The following TMPRSS13 variants were observed in gnomAD, a reference collection of about 807,000 sequenced individuals.
The protein encoded by TMPRSS13 is transmembrane serine protease 13.
In TMPRSS13, 50 loss-of-function variants were observed where a neutral mutation model predicts 68.4. The ratio of observed to expected loss-of-function variants is 0.73; its 90% CI spans 0.58 to 0.93. The LOEUF (loss-of-function observed/expected upper bound fraction) is 0.93, where lower values mean the gene tolerates loss of function less well. Ranked by LOEUF, TMPRSS13 falls within the 40% of genes least tolerant of loss-of-function variation. TMPRSS13 has a pLI of 0.00. For synonymous variants in TMPRSS13, 267 were observed against 285.8 expected (o/e 0.93, Z 0.66); for missense variants, 615 against 729.2 (o/e 0.84, Z 1.80).
intron 8 of TMPRSS13, 37 bp downstream of exon 8, chr11:117,909,769 T>G (rs935477689): frequency 6.3e-7 from 1 of 1,591,090 alleles, no homozygotes; most frequent in Non-Finnish European, 8.6e-7. Flanking sequence ...TTCCCGACCC[T>G]GGGCAGTGTC....
Position 117,914,648 on chromosome 11 carries a change from C to T in TMPRSS13, c.557-134G>A. On this transcript the variant is annotated intron_variant, in intron 3 of 12. Coordinates refer to ENST00000524993, the MANE Select transcript of TMPRSS13 (RefSeq NM_001077263.3). The surrounding 1 kb of genome is among the most constrained non-coding windows in gnomAD (Gnocchi z 4.2). ...GAACTCTGGGGCTCTCATCCCCCAT[C>T]TGTATGGAGAGAAAGGCTGCTCAGG... 6.8e-7 allele frequency: 1 copy of T among 1,470,802 alleles called. No individual in the cohort carries two copies. Among genetic ancestry groups the T allele is most frequent in the South Asian group, 1.3e-5 (1 of 76,126 alleles). 91.1% of individuals were successfully genotyped at this position (1,470,802 alleles called of 1,614,324 possible). A position where few individuals can be genotyped will look rare whatever the true frequency, so the allele number is the denominator to read the frequency against.
intron 10 of TMPRSS13, among the ~76,000 whole-genome samples, chr11:117,904,646 T>A (rs115946185): frequency 0.084 from 12,663 of 151,494 alleles, 567 homozygotes; most frequent in Middle Eastern, 0.14. Flanking sequence ...GTGGCCTGAG[T>A]CTAACCATGG....
In TMPRSS13 at chr11:117,926,222, G is replaced by A. The variant is rs193219627; in HGVS notation, c.21+3065C>T. Among the ~76,000 whole-genome samples the A allele has an allele frequency of 2.9e-3, 404 of 141,252 alleles. 5 individuals are homozygous for A. The East Asian group carries it at 0.034, about 12-fold the overall frequency. The allele number at this position is 141,252 out of a possible 152,430, so 92.7% of individuals were successfully genotyped here. A position where few individuals can be genotyped will look rare whatever the true frequency, so the allele number is the denominator to read the frequency against. ...GTCCTTGGAGGACGAGGTGAGGGAT[G>A]CACACCTGCAGAGGCATAGGGCAGG... On this transcript the variant is annotated intron_variant, in intron 1 of 12. Transcript: ENST00000524993.
intron 8 of TMPRSS13, 104 bp from the exon 9 acceptor site, chr11:117,908,888 C>A (rs1280611001): frequency 1.7e-5 from 20 of 1,197,568 alleles, no homozygotes; most frequent in Non-Finnish European, 1.5e-5. Flanking sequence ...AGCTTGGAGG[C>A]AGGAGGATGG....
intron 12 of TMPRSS13, chr11:117,903,065 T>A: frequency 9.1e-7 from 1 of 1,098,922 alleles, no homozygotes; most frequent in Non-Finnish European, 1.1e-6. Context: ...TTTTATTACT[T>A]TATACTCTTT....
chr11:117,914,520 GAA>G lies in TMPRSS13; in HGVS notation c.557-8_557-7del. 1 of 1,613,714 alleles carries G rather than the reference GAA, an allele frequency of 6.2e-7. No individual in the cohort carries two copies. The highest frequency in any genetic ancestry group is 1.1e-5 in the South Asian group (1 of 91,066). On this transcript the variant is annotated splice_polypyrimidine_tract_variant and splice_region_variant and intron_variant, in intron 3 of 12. Coordinates refer to ENST00000524993, the MANE Select transcript of TMPRSS13 (RefSeq NM_001077263.3). This position sits in a 1 kb window ranked among gnomAD's most constrained non-coding sequence, Gnocchi z 4.2. Reference sequence around the variant, plus strand: ...GTGGCCCTGCCAGAACTGGACTAGAGAAAAAGAAGCAGACAGCTGGGTCATGG... The same window carrying G: ...GTGGCCCTGCCAGAACTGGACTAGAGAAAGAAGCAGACAGCTGGGTCATGG...
In TMPRSS13 at chr11:117,915,517, C is replaced by T. The variant is rs562860048; in HGVS notation, c.557-1003G>A. On this transcript the variant is annotated intron_variant, in intron 3 of 12. Coordinates refer to ENST00000524993, the MANE Select transcript of TMPRSS13 (RefSeq NM_001077263.3). The surrounding 1 kb of genome is among the most constrained non-coding windows in gnomAD (Gnocchi z 4.9). ...TTCCTCCCATATCCTGGGCACTCAA[C>T]CCCCGGGGAACCCTGGGCAGTCTCC... Among the ~76,000 whole-genome samples, 1 of 152,334 alleles carries T rather than the reference C, an allele frequency of 6.6e-6. No homozygotes were observed. Among genetic ancestry groups the T allele is most frequent in the Admixed American group, 6.5e-5 (1 of 15,300 alleles).
intron 12 of TMPRSS13, 129 bp from the exon 13 acceptor site, chr11:117,902,394 A>G: frequency 9.9e-7 from 1 of 1,010,768 alleles, no homozygotes; most frequent in Non-Finnish European, 1.5e-6. Flanking sequence ...CCAAGGAGGG[A>G]GAGCAAAGGG....
chr11:117,905,544 A>C, intron 10 of TMPRSS13, 94 bp downstream of exon 10: 1 of 1,101,098 alleles, frequency 9.1e-7, no homozygotes, highest in Non-Finnish European at 1.3e-6. Context: ...ATAGGCCTTC[A>C]TCTGTATACC....
rs1331717090 is a variant in TMPRSS13 at position 117,914,643 on chromosome 11, C to T, written c.557-129G>A. ...CTCTTGAACTCTGGGGCTCTCATCC[C>T]CCATCTGTATGGAGAGAAAGGCTGC... On this transcript the variant is annotated intron_variant, in intron 3 of 12. Transcript: ENST00000524993. The surrounding 1 kb of genome is among the most constrained non-coding windows in gnomAD (Gnocchi z 4.2). The T allele has an allele frequency of 6.7e-7, 1 of 1,495,188 alleles. No individual in the cohort carries two copies. Among genetic ancestry groups the T allele is most frequent in the African/African-American group, 1.4e-5 (1 of 72,242 alleles). The allele number at this position is 1,495,188 out of a possible 1,614,324, so 92.6% of individuals were successfully genotyped here. A position where few individuals can be genotyped will look rare whatever the true frequency, so the allele number is the denominator to read the frequency against.
In TMPRSS13 at chr11:117,918,716, C is replaced by A. The variant is rs568954917; in HGVS notation, c.144G>T (p.Gly48=). ...QASPAQASPA[G]TPPGRASPAQ... is the part of the protein sequence containing the mutation. ...CTGGAGATGCCCGGCCCGGAGGTGT[C>A]CCAGCTGGAGATGCCTGGGCTGGAG... Residue 48 remains glycine, a synonymous_variant, in exon 2 of 13, where the codon GGG becomes GGT. Transcript: ENST00000524993. 2 of 1,603,496 alleles carry A rather than the reference C, an allele frequency of 1.2e-6. No homozygotes were observed. The highest frequency in any genetic ancestry group is 1.7e-6 in the Non-Finnish European group (2 of 1,175,136).
Position 117,904,123 on chromosome 11 carries a change from G to C in TMPRSS13, c.1382-22C>G, listed in dbSNP as rs375386736. 6.2e-6 allele frequency: 10 copies of C among 1,611,144 alleles called. No individual in the cohort carries two copies. In the African/African-American group the frequency reaches 9.3e-5, roughly 15 times the overall value. ...TTGTCTTCAGTGAAGTGGGGTGGAGGAGACAGAGGATGGGAAGCCAGTGAG... is the reference window on the plus strand; with the variant it reads ...TTGTCTTCAGTGAAGTGGGGTGGAGCAGACAGAGGATGGGAAGCCAGTGAG... On this transcript the variant is annotated intron_variant, in intron 10 of 12. Transcript: ENST00000524993.
chr11:117,908,373 G>A (rs577902265), intron 9 of TMPRSS13: 26 of 612,510 alleles, frequency 4.2e-5, no homozygotes, highest in East Asian at 3.0e-4. Flanking sequence ...CCCTGACTCC[G>A]TCATCAATTT....
Position 117,913,927 on chromosome 11 carries a change from A to G in TMPRSS13, c.680-21T>C, listed in dbSNP as rs751123029. The stretch of plus-strand genomic sequence containing the variant: ...CCTCACTGCAGGGCAAGAAAAAGGC[A>G]GAGCAGGTCCTCAGCACCTAGGAAG... On this transcript the variant is annotated intron_variant, in intron 4 of 12. Transcript: ENST00000524993. 6.2e-6 allele frequency: 10 copies of G among 1,611,720 alleles called. No homozygotes were observed. The South Asian group carries it at 1.1e-4, about 18-fold the overall frequency.
intron 8 of TMPRSS13, 99 bp downstream of exon 8, chr11:117,909,707 C>G: frequency 7.0e-7 from 1 of 1,431,742 alleles, no homozygotes; most frequent in East Asian, 2.5e-5. Flanking sequence ...GGACTCACAC[C>G]CAGAATCCTC....
chr11:117,910,047 C>T, intron 7 of TMPRSS13, 79 bp from the exon 8 acceptor site: 1 of 1,551,792 alleles, frequency 6.4e-7, no homozygotes, highest in Non-Finnish European at 8.8e-7. Flanking sequence ...GATGCCTCTG[C>T]TGTGCTCCCA....
At position 117,904,861 on chromosome 11, in the gene TMPRSS13, TTATATATATA is replaced by T. The variant is rs58001868; in HGVS notation, c.1381+767_1382-761del. 1.2e-3 allele frequency among the ~76,000 whole-genome samples: 120 copies of T among 100,722 alleles called. 2 individuals are homozygous for T. Among genetic ancestry groups the T allele is most frequent in the South Asian group, 5.5e-3 (17 of 3,078 alleles). The allele number at this position is 100,722 out of a possible 152,430, so 66.1% of individuals were successfully genotyped here. On this transcript the variant is annotated intron_variant, in intron 10 of 12. Transcript: ENST00000524993. ...TACCACTTAGAGCTCCTAGATAAGA[TTATATATATA>T]TATATATATATATATATATATATAT...
At chr11:117,911,725 C>G (rs1382964455) in intron 6 of TMPRSS13, 43 bp downstream of exon 6, 1 of 1,555,464 alleles carries the variant, frequency 6.4e-7, no homozygotes, top group South Asian at 1.1e-5. Flanking sequence ...CTACCCACTC[C>G]TTCCCCTGCT....
At chr11:117,903,153 T>C in intron 12 of TMPRSS13, 5 of 1,365,986 alleles carry the variant, frequency 3.7e-6, no homozygotes, top group Non-Finnish European at 4.7e-6. Flanking sequence ...AGCATTCTGG[T>C]GACAGCTGTG....
Sources: allele counts gnomAD v4.1 joint callset (sites outside exome capture counted in the v4.1 genomes callset), GRCh38; gene constraint gnomAD v4.1.1; non-coding constraint Gnocchi (gnomAD v3.1); transcripts MANE v1.5; gene names NCBI Gene and HGNC (gene_info 2026-07-23, HGNC 2026-07-21).